Variants in CRYAB observed in about 807,000 individuals in gnomAD.
CRYAB encodes the protein alpha-crystallin B chain.
Under a neutral mutation model 12.7 loss-of-function variants are expected in CRYAB, and 9 were observed. The ratio of observed to expected loss-of-function variants is 0.71; its 90% CI spans 0.43 to 1.24. The LOEUF (loss-of-function observed/expected upper bound fraction) is 1.24, where lower values mean the gene tolerates loss of function less well. Ranked by LOEUF, CRYAB falls within the 50% of genes most tolerant of loss-of-function variation. CRYAB has a pLI of 0.00. For missense variants in CRYAB, 183 were observed against 226.6 expected (o/e 0.81, Z 1.24); for synonymous variants, 93 against 86.8 (o/e 1.07, Z -0.40).
upstream of CRYAB, among the ~76,000 whole-genome samples, chr11:111,916,233 C>CT (rs782307077): frequency 3.7e-3 from 531 of 142,832 alleles, 7 homozygotes; most frequent in African/African-American, 9.0e-3. Flanking sequence ...ATGCCTAGTT[C>CT]TTTTTTTTTT....
intron 2 of CRYAB, 189 bp from the exon 3 acceptor site, chr11:111,909,156 T>A (rs1965373208): frequency 1.5e-6 from 1 of 677,850 alleles, no homozygotes; most frequent in African/African-American, 1.8e-5. Context: ...CTCCTACCAG[T>A]GAGAATCTGA....
intron 1 of CRYAB, among the ~76,000 whole-genome samples, chr11:111,920,718 C>T (rs1320330173): frequency 6.6e-6 from 1 of 151,946 alleles, no homozygotes; most frequent in Non-Finnish European, 1.5e-5. Flanking sequence ...GAACCATGAT[C>T]ACACCACTGC....
chr11:111,912,501 C>T, upstream of CRYAB: 1 of 440,114 alleles, frequency 2.3e-6, no homozygotes, highest in Non-Finnish European at 4.2e-6. Flanking sequence ...CTCAGCGAGG[C>T]CTCTTCATGC....
upstream of CRYAB, chr11:111,914,114 T>C: frequency 1.9e-6 from 1 of 516,178 alleles, no homozygotes; most frequent in Non-Finnish European, 3.4e-6. Flanking sequence ...CTGCTCCCTA[T>C]TCTGTGGCCG....
chr11:111,912,529 C>T (rs1284357439), upstream of CRYAB: 2 of 486,652 alleles, frequency 4.1e-6, no homozygotes, highest in Admixed American at 3.5e-5. Flanking sequence ...ACCACCAGCT[C>T]CCCCTCCCCA....
At chr11:111,918,179 G>C (rs1185985891), upstream of CRYAB, 1 of 152,770 alleles carries the variant, frequency 6.5e-6, no homozygotes, top group Non-Finnish European at 1.5e-5. Flanking sequence ...ACTGGTGAGT[G>C]CGGGTGAGTC....
chr11:111,915,688 CG>C (rs1283198017), upstream of CRYAB, among the ~76,000 whole-genome samples: 1 of 152,174 alleles, frequency 6.6e-6, no homozygotes, highest in Non-Finnish European at 1.5e-5. Flanking sequence ...TCAACTTATT[CG>C]GGGACATTCT....
In CRYAB at chr11:111,910,333, C is replaced by A. The variant is rs782728956; in HGVS notation, c.318G>T (p.Glu106Asp). The A allele has an allele frequency of 1.9e-6, 3 of 1,614,230 alleles. No homozygotes were observed. The highest frequency in any genetic ancestry group is 2.2e-5 in the South Asian group (2 of 91,086). Residue 106 changes from glutamate to aspartate, a missense_variant, in exon 2 of 3, where the codon GAG becomes GAT. Glu to Asp is a conservative substitution (Grantham distance 45). This residue lies in a region of CRYAB where 95 missense variants were observed against 112.5 expected (regional missense o/e 0.84). Coordinates refer to ENST00000650687, the MANE Select transcript of CRYAB (RefSeq NM_001289808.2). ...AAAAAAACAAGCTACATACCTGGCG[C>A]TCTTCATGTTTTCCATGCACCTCAA... ...DVIEVHGKHE[E>D]RQDEHGFISR...
upstream of CRYAB, among the ~76,000 whole-genome samples, chr11:111,914,911 A>C (rs1235154582): frequency 6.6e-6 from 1 of 152,050 alleles, no homozygotes; most frequent in Non-Finnish European, 1.5e-5. Context: ...CCTTGTCTCT[A>C]CAAAAAAATA....
upstream of CRYAB, chr11:111,912,954 C>T (rs782250150): frequency 6.8e-7 from 1 of 1,465,550 alleles, no homozygotes; most frequent in Non-Finnish European, 9.2e-7. Context: ...CCTTGCCCCC[C>T]ACCCCCACCC....
chr11:111,913,995 G>T, upstream of CRYAB: 1 of 1,043,056 alleles, frequency 9.6e-7, no homozygotes. Flanking sequence ...TGGGGGAAGG[G>T]AAAGGTGCAT....
intron 1 of CRYAB, among the ~76,000 whole-genome samples, chr11:111,920,896 C>A (rs1401761166): frequency 1.3e-5 from 2 of 152,236 alleles, no homozygotes; most frequent in African/African-American, 2.4e-5. Flanking sequence ...TGTATCCATC[C>A]TCACATGTAA....
intron 2 of CRYAB, chr11:111,909,693 G>A (rs1282911707): frequency 9.8e-6 from 2 of 203,186 alleles, no homozygotes; most frequent in Non-Finnish European, 2.0e-5. Context: ...TAAAGACTGA[G>A]CACAGCTCTG....
At chr11:111,915,220 T>A (rs1010661333), upstream of CRYAB, among the ~76,000 whole-genome samples, 1 of 152,186 alleles carries the variant, frequency 6.6e-6, no homozygotes, top group African/African-American at 2.4e-5. Flanking sequence ...TTGAATAGGT[T>A]CCCACAACTC....
intron 1 of CRYAB, among the ~76,000 whole-genome samples, chr11:111,920,579 C>T (rs190312767): frequency 6.6e-6 from 1 of 150,802 alleles, no homozygotes; most frequent in Admixed American, 6.6e-5. Flanking sequence ...GCCTGGGCAA[C>T]ATAGGGTGGC....
At position 111,908,852 on chromosome 11, in the gene CRYAB, C is replaced by A. The variant is rs782799100; in HGVS notation, c.440G>T (p.Gly147Val). The A allele has an allele frequency of 6.2e-7, 1 of 1,614,006 alleles. No individual in the cohort carries two copies. The highest frequency in any genetic ancestry group is 1.3e-5 in the African/African-American group (1 of 75,028). Residue 147 changes from glycine to valine, a missense_variant, in exon 3 of 3, where the codon GGA becomes GTA. Physicochemically the swap from Gly to Val is moderately radical, Grantham distance 109 (BLOSUM62 -3). This residue lies in a region of CRYAB where 95 missense variants were observed against 112.5 expected (regional missense o/e 0.84). Coordinates refer to ENST00000650687, the MANE Select transcript of CRYAB (RefSeq NM_001289808.2). ...AGGGCCAGAGACCTGTTTCCTTGGTCCATTCACAGTGAGGACCCCATCAGA... is the reference window on the plus strand; with the variant it reads ...AGGGCCAGAGACCTGTTTCCTTGGTACATTCACAGTGAGGACCCCATCAGA... ...LSSDGVLTVN[G>V]PRKQVSGPER...
At chr11:111,913,655 C>A, upstream of CRYAB, 1 of 1,614,162 alleles carries the variant, frequency 6.2e-7, no homozygotes, top group Non-Finnish European at 8.5e-7. Context: ...CTGCCCGGCA[C>A]CCCCAGCGCC....
chr11:111,913,708 A>G (rs782242246), upstream of CRYAB: 5 of 1,613,936 alleles, frequency 3.1e-6, no homozygotes, highest in East Asian at 2.2e-5. Context: ...TGCCGCACCT[A>G]TGTCCTGCCT....
intron 1 of CRYAB, chr11:111,910,862 T>G (rs938504652): frequency 2.9e-5 from 9 of 314,046 alleles, no homozygotes; most frequent in Admixed American, 4.6e-5. Context: ...TGGTCCTGCT[T>G]GTCCTTCCAA....
Sources: allele counts gnomAD v4.1 joint callset (sites outside exome capture counted in the v4.1 genomes callset), GRCh38; gene constraint gnomAD v4.1.1; regional missense constraint gnomAD v4.1.1; transcripts MANE v1.5; gene names NCBI Gene and HGNC (gene_info 2026-07-23, HGNC 2026-07-21).